Variants in ATG4C observed in about 807,000 individuals in gnomAD.
ATG4C encodes the protein autophagy related 4C cysteine peptidase, also known as cysteine protease ATG4C.
A neutral mutation model predicts 57.6 loss-of-function variants in ATG4C; 56 were observed. The ratio of observed to expected loss-of-function variants is 0.97; its 90% confidence interval spans 0.78 to 1.21. The LOEUF is 1.21. Ranked by LOEUF, ATG4C falls within the 50% of genes most tolerant of loss-of-function variation. The pLI is 0.00. For synonymous variants in ATG4C, 157 were observed against 174.1 expected (o/e 0.90, Z 0.78); for missense variants, 595 against 529.8 (o/e 1.12, Z -1.21).
At chr1:62,802,709 C>T (rs28595339) in intron 1 of ATG4C, among the ~76,000 whole-genome samples, 2 of 152,284 alleles carry the variant, frequency 1.3e-5, no homozygotes, top group East Asian at 3.9e-4. Context: ...TGTGCTTTGG[C>T]ATCTATATAA....
rs1665288852 is a variant in ATG4C at position 62,816,750 on chromosome 1, A to G, written c.336A>G (p.Thr112=). ...ALTTDCGWGC[T]LRTGQMLLAQ... ...CAACAGACTGTGGGTGGGGCTGCAC[A>G]TTGAGAACTGGCCAGATGCTCTTGG... Residue 112 remains threonine, a synonymous_variant, in exon 4 of 11, where the codon ACA becomes ACG. Coordinates refer to ENST00000317868, the MANE Select transcript of ATG4C (RefSeq NM_032852.4). The G allele has an allele frequency of 6.2e-7, 1 of 1,613,246 alleles. No individual in the cohort carries two copies. The highest frequency in any genetic ancestry group is 1.3e-5 in the African/African-American group (1 of 74,908).
intron 10 of ATG4C, among the ~76,000 whole-genome samples, chr1:62,846,942 C>T (rs1572165076): frequency 6.6e-6 from 1 of 152,072 alleles, no homozygotes; most frequent in Non-Finnish European, 1.5e-5. Flanking sequence ...TTTGGGAGGT[C>T]GAGGTGGCCA....
intron 1 of ATG4C, among the ~76,000 whole-genome samples, chr1:62,797,116 GA>G (rs910303370): frequency 2.7e-5 from 4 of 149,140 alleles, no homozygotes; most frequent in African/African-American, 9.9e-5. Context: ...CGGGGAAAAA[GA>G]AAAAAAAAGA....
intron 7 of ATG4C, among the ~76,000 whole-genome samples, chr1:62,831,392 G>A (rs544259202): frequency 3.9e-5 from 6 of 152,150 alleles, no homozygotes; most frequent in Admixed American, 2.6e-4. Context: ...ACCAATGTGC[G>A]TTGGTGAGTC....
intron 6 of ATG4C, among the ~76,000 whole-genome samples, chr1:62,828,020 T>C (rs1354816132): frequency 6.6e-6 from 1 of 152,216 alleles, no homozygotes; most frequent in Non-Finnish European, 1.5e-5. Flanking sequence ...TAGTATTCCA[T>C]GGTGTATATG....
intron 3 of ATG4C, among the ~76,000 whole-genome samples, chr1:62,808,501 T>C (rs1228403261): frequency 1.3e-5 from 2 of 151,934 alleles, no homozygotes; most frequent in Non-Finnish European, 2.9e-5. Flanking sequence ...ATCACATTGA[T>C]GGAAAGTATA....
intron 1 of ATG4C, among the ~76,000 whole-genome samples, chr1:62,796,379 A>G (rs1407741907): frequency 1.3e-5 from 2 of 152,090 alleles, no homozygotes; most frequent in Non-Finnish European, 1.5e-5. Context: ...AGGAGAAACA[A>G]AAATTATGAA....
At chr1:62,837,358 A>G (rs186251112) in intron 9 of ATG4C, among the ~76,000 whole-genome samples, 11 of 152,294 alleles carry the variant, frequency 7.2e-5, no homozygotes, top group Non-Finnish European at 1.3e-4. Flanking sequence ...TGAGGAATGG[A>G]GCACATGGTT....
At chr1:62,844,923 A>C (rs757870104) in intron 10 of ATG4C, among the ~76,000 whole-genome samples, 1 of 152,116 alleles carries the variant, frequency 6.6e-6, no homozygotes, top group Non-Finnish European at 1.5e-5. Flanking sequence ...TTATTCATTT[A>C]AACAGCTGAA....
rs1666941674 is a variant in ATG4C at position 62,864,285 on chromosome 1, A to G, written c.*126A>G. 1.3e-6 allele frequency: 1 copy of G among 751,570 alleles called. No homozygotes were observed. The highest frequency in any genetic ancestry group is 2.0e-6 in the Non-Finnish European group (1 of 488,124). 46.6% of individuals were successfully genotyped at this position (751,570 alleles called of 1,614,324 possible). A position where few individuals can be genotyped will look rare whatever the true frequency, so the allele number is the denominator to read the frequency against. On this transcript the variant is annotated 3_prime_UTR_variant, in exon 11 of 11. Transcript: ENST00000317868. Reference sequence around the variant, plus strand: ...TTTTATATGTTCTTTAAAAAAGAACATTTGAAAATATAACAGTTAAAGATA... The same window carrying G: ...TTTTATATGTTCTTTAAAAAAGAACGTTTGAAAATATAACAGTTAAAGATA...
chr1:62,810,288 C>T (rs1357982789), intron 3 of ATG4C, among the ~76,000 whole-genome samples: 1 of 152,108 alleles, frequency 6.6e-6, no homozygotes, highest in African/African-American at 2.4e-5. Flanking sequence ...AACTTACAGT[C>T]CAACAGATGA....
chr1:62,852,825 G>GA (rs950077091), intron 10 of ATG4C, among the ~76,000 whole-genome samples: 22 of 151,306 alleles, frequency 1.5e-4, no homozygotes, highest in Admixed American at 2.6e-4. Context: ...ATAAACATAG[G>GA]AAAAATCTCT....
chr1:62,863,542 G>A (rs1337176028), intron 10 of ATG4C, among the ~76,000 whole-genome samples: 1 of 151,942 alleles, frequency 6.6e-6, no homozygotes, highest in African/African-American at 2.4e-5. Flanking sequence ...ATCAAGGTTA[G>A]TTACAAAACA....
intron 7 of ATG4C, among the ~76,000 whole-genome samples, chr1:62,830,033 G>A (rs1665790855): frequency 6.6e-6 from 1 of 151,992 alleles, no homozygotes; most frequent in South Asian, 2.1e-4. Context: ...TATATATTTA[G>A]TTGGAACATC....
intron 3 of ATG4C, among the ~76,000 whole-genome samples, chr1:62,814,292 G>T (rs564063813): frequency 1.3e-5 from 2 of 152,268 alleles, no homozygotes; most frequent in South Asian, 2.1e-4. Flanking sequence ...CATGTCCTTT[G>T]CAGGGACATG....
intron 10 of ATG4C, among the ~76,000 whole-genome samples, chr1:62,862,587 T>C (rs931026467): frequency 3.3e-5 from 5 of 152,122 alleles, no homozygotes; most frequent in Admixed American, 3.3e-4. Context: ...TTCTCTTTTT[T>C]GTAGTATATA....
intron 10 of ATG4C, among the ~76,000 whole-genome samples, chr1:62,845,280 A>G (rs1185407951): frequency 6.6e-6 from 1 of 152,160 alleles, no homozygotes; most frequent in Non-Finnish European, 1.5e-5. Context: ...TAAAATTTTA[A>G]CCAATCTCGT....
At chr1:62,835,212 G>A (rs114211249) in intron 9 of ATG4C, among the ~76,000 whole-genome samples, 1,675 of 151,064 alleles carry the variant, frequency 0.011, 31 homozygotes, top group African/African-American at 0.038. Context: ...AAAATAGAAA[G>A]GGATAGACGG....
At chr1:62,809,411 G>T (rs1263959389) in intron 3 of ATG4C, among the ~76,000 whole-genome samples, 1 of 146,318 alleles carries the variant, frequency 6.8e-6, no homozygotes, top group Non-Finnish European at 1.5e-5. Context: ...ATACATATGT[G>T]TATATAAACA....
Sources: gnomAD v4.1 joint callset for allele counts (sites outside exome capture counted in the v4.1 genomes callset) on GRCh38, gnomAD v4.1.1 for gene constraint, MANE v1.5 for transcripts, NCBI Gene and HGNC (gene_info 2026-07-23, HGNC 2026-07-21) for gene names.